Variants in TDRP observed in about 807,000 individuals in gnomAD.
TDRP encodes testis development-related protein.
A neutral mutation model predicts 10.5 loss-of-function variants in TDRP; 12 were observed. That is an observed-to-expected ratio of 1.15 (90% CI 0.73 to 1.86). The LOEUF is 1.86. Among genes scored for constraint, TDRP ranks in the 40% most tolerant of loss-of-function variants. The pLI is 0.00. For missense variants in TDRP, 353 were observed against 229.2 expected (o/e 1.54, Z -3.49); for synonymous variants, 139 against 95.4 (o/e 1.46, Z -2.67).
chr8:544,812 C>T lies in TDRP; in HGVS notation c.-55G>A, dbSNP rs893001858. On this transcript the variant is annotated 5_prime_UTR_variant, in exon 1 of 3. Transcript: ENST00000324079. The stretch of plus-strand genomic sequence containing the variant: ...CGTGCGTCGGGCTGTGGCTCCGCGT[C>T]CCTCCCGGCCGCCGGACGCTCTGCC... 2.5e-6 allele frequency: 3 copies of T among 1,176,676 alleles called. No individual in the cohort carries two copies. Among genetic ancestry groups the T allele is most frequent in the Admixed American group, 4.3e-5 (1 of 23,218 alleles). The allele number at this position is 1,176,676 out of a possible 1,614,324, so 72.9% of individuals were successfully genotyped here.
intron 1 of TDRP, among the ~76,000 whole-genome samples, chr8:525,615 T>C (rs980106421): frequency 2.6e-5 from 4 of 152,160 alleles, no homozygotes; most frequent in Admixed American, 1.3e-4. Context: ...AAGTGTTAAA[T>C]TGTCATCAGT....
At chr8:534,962 C>A (rs17065120) in intron 1 of TDRP, among the ~76,000 whole-genome samples, 8,081 of 152,192 alleles carry the variant, frequency 0.053, 231 homozygotes, top group African/African-American at 0.074. Context: ...TGACTAAAAA[C>A]GACACAACGC....
At chr8:545,596 G>C (rs913199789), upstream of TDRP, 1 of 152,182 alleles carries the variant, frequency 6.6e-6, no homozygotes, top group African/African-American at 2.4e-5. Flanking sequence ...GGCACAGTCC[G>C]CGGAGCGGCG....
chr8:520,239 C>G (rs1801865889), intron 1 of TDRP, among the ~76,000 whole-genome samples: 3 of 152,206 alleles, frequency 2.0e-5, no homozygotes, highest in Admixed American at 2.0e-4. Context: ...TTTCATGAAG[C>G]ATAATATTCT....
At position 496,404 on chromosome 8, in the gene TDRP, C is replaced by T. The variant is rs940303443; in HGVS notation, c.109-1807G>A. ...CCATGTGCAGTCACTATGTGCCCAG[C>T]ACTGTGCAATGCAATCTCCACCTAC... On this transcript the variant is annotated intron_variant, in intron 1 of 2. Transcript: ENST00000324079. Among the ~76,000 whole-genome samples, 163 of 152,222 alleles carry T rather than the reference C, an allele frequency of 1.1e-3. 1 individual carries two copies. The highest frequency in any genetic ancestry group is 1.2e-3 in the Non-Finnish European group (81 of 68,046).
chr8:509,442 G>C (rs186858962), intron 1 of TDRP, among the ~76,000 whole-genome samples: 2 of 152,228 alleles, frequency 1.3e-5, no homozygotes, highest in Admixed American at 1.3e-4. Context: ...TCTTGACTTC[G>C]GTGCAGTCGT....
At chr8:500,945 A>G (rs139588971) in intron 1 of TDRP, among the ~76,000 whole-genome samples, 2,621 of 152,174 alleles carry the variant, frequency 0.017, 56 homozygotes, top group African/African-American at 0.052. Context: ...GGTGTCTCAC[A>G]CCTGTAATCC....
intron 1 of TDRP, among the ~76,000 whole-genome samples, chr8:514,274 A>G (rs1761289897): frequency 1.3e-5 from 2 of 152,262 alleles, no homozygotes; most frequent in Non-Finnish European, 2.9e-5. Context: ...ATGAATGGAA[A>G]AGAACTAAGC....
At chr8:502,107 T>C (rs907504573) in intron 1 of TDRP, among the ~76,000 whole-genome samples, 1 of 152,214 alleles carries the variant, frequency 6.6e-6, no homozygotes, top group Non-Finnish European at 1.5e-5. Flanking sequence ...GAAAATGCTG[T>C]GATCCTGGGA....
intron 1 of TDRP, among the ~76,000 whole-genome samples, chr8:509,112 G>A (rs1801542589): frequency 1.3e-5 from 2 of 152,238 alleles, no homozygotes; most frequent in South Asian, 2.1e-4. Flanking sequence ...CCACCCCTGT[G>A]GCTTTGCAGG....
chr8:534,456 C>G (rs1186041372), intron 1 of TDRP, among the ~76,000 whole-genome samples: 1 of 152,184 alleles, frequency 6.6e-6, no homozygotes, highest in East Asian at 1.9e-4. Context: ...TCACACCGAA[C>G]TCTCAGCCAC....
intron 1 of TDRP, among the ~76,000 whole-genome samples, chr8:532,294 C>T (rs1802225277): frequency 6.6e-6 from 1 of 152,204 alleles, no homozygotes. Context: ...GGACTTCAGG[C>T]TGTGTGGCAG....
intron 1 of TDRP, among the ~76,000 whole-genome samples, chr8:518,202 G>A (rs140742428): frequency 1.2e-4 from 19 of 152,300 alleles, no homozygotes; most frequent in East Asian, 3.9e-4. Flanking sequence ...AGGGAAGGTA[G>A]GGAAGGTAGG....
intron 1 of TDRP, among the ~76,000 whole-genome samples, chr8:528,817 G>GTA (rs1303384196): frequency 6.6e-6 from 1 of 151,738 alleles, no homozygotes; most frequent in Non-Finnish European, 1.5e-5. Context: ...ATGTGTGTGT[G>GTA]TATATGTGTG....
At chr8:513,191 CA>C (rs1801664122) in intron 1 of TDRP, among the ~76,000 whole-genome samples, 1 of 150,684 alleles carries the variant, frequency 6.6e-6, no homozygotes, top group African/African-American at 2.4e-5. Context: ...CAAAACTAGA[CA>C]AAGACACCAC....
At chr8:501,512 A>G (rs998087230) in intron 1 of TDRP, among the ~76,000 whole-genome samples, 16 of 151,534 alleles carry the variant, frequency 1.1e-4, no homozygotes, top group Non-Finnish European at 2.9e-5. Context: ...ACACCCAGCT[A>G]ATTTTTGTAT....
At chr8:522,940 G>A (rs1801944957) in intron 1 of TDRP, among the ~76,000 whole-genome samples, 1 of 152,112 alleles carries the variant, frequency 6.6e-6, no homozygotes, top group African/African-American at 2.4e-5. Flanking sequence ...TCTTGTAGGT[G>A]GCATGTGATT....
In TDRP at chr8:505,668, G is replaced by C. The variant is rs1255706147; in HGVS notation, c.109-11071C>G. Among the ~76,000 whole-genome samples the C allele has an allele frequency of 6.6e-5, 10 of 152,336 alleles. No individual in the cohort carries two copies. In the East Asian group the frequency reaches 1.7e-3, roughly 26 times the overall value. On this transcript the variant is annotated intron_variant, in intron 1 of 2. Coordinates refer to ENST00000324079, the MANE Select transcript of TDRP (RefSeq NM_001384899.1). ...TGGCCAACAGAAACCAATGCCATCT[G>C]TCAGTGCTTCACTGAGGCTTTAGAT...
At chr8:515,586 G>A (rs1801737743) in intron 1 of TDRP, among the ~76,000 whole-genome samples, 2 of 152,158 alleles carry the variant, frequency 1.3e-5, no homozygotes. Context: ...TTAGATTAGA[G>A]ATGCTCAACC....
Sources: allele counts gnomAD v4.1 joint callset (sites outside exome capture counted in the v4.1 genomes callset), GRCh38; gene constraint gnomAD v4.1.1; transcripts MANE v1.5; gene names NCBI Gene and HGNC (gene_info 2026-07-23, HGNC 2026-07-21).